The following DTNA variants were observed in gnomAD, a reference collection of about 807,000 sequenced individuals.
The protein encoded by DTNA is dystrophin-related protein 3.
A neutral mutation model predicts 100.7 loss-of-function variants in DTNA; 43 were observed. The observed-to-expected ratio is 0.43, with a 90% CI of 0.33 to 0.55. The LOEUF is 0.55. Among genes scored for constraint, DTNA ranks in the 20% least tolerant of loss-of-function variants. The pLI is 0.04. For synonymous variants in DTNA, 349 were observed against 347.9 expected (o/e 1.00, Z -0.04); for missense variants, 798 against 953.9 (o/e 0.84, Z 2.15).
At chr18:34,568,200 A>G (rs573032384) in intron 1 of DTNA, among the ~76,000 whole-genome samples, 186 of 152,152 alleles carry the variant, frequency 1.2e-3, no homozygotes, top group Non-Finnish European at 2.3e-3. Context: ...TAGTTTATCT[A>G]TGATAAGTCA....
At chr18:34,557,721 C>A (rs1259841784) in intron 1 of DTNA, among the ~76,000 whole-genome samples, 2 of 151,390 alleles carry the variant, frequency 1.3e-5, no homozygotes, top group African/African-American at 4.8e-5. Flanking sequence ...AGGCAGTCTG[C>A]CTGTTCTCAG....
intron 1 of DTNA, among the ~76,000 whole-genome samples, chr18:34,547,479 T>C (rs1307814826): frequency 1.3e-5 from 2 of 152,086 alleles, no homozygotes; most frequent in Non-Finnish European, 2.9e-5. Context: ...TTGGGAGAAG[T>C]CTTACAGGGT....
At chr18:34,551,865 AAAT>A (rs1341919258) in intron 1 of DTNA, among the ~76,000 whole-genome samples, 2 of 152,198 alleles carry the variant, frequency 1.3e-5, no homozygotes, top group Non-Finnish European at 2.9e-5. Flanking sequence ...CATAAGACCC[AAAT>A]AATGTGATCT....
chr18:34,699,565 T>C (rs1359034820), intron 1 of DTNA, among the ~76,000 whole-genome samples: 1 of 152,168 alleles, frequency 6.6e-6, no homozygotes, highest in African/African-American at 2.4e-5. Context: ...GGTTGACACA[T>C]AAAATTCACT....
chr18:34,872,010 G>C (rs2096770481), intron 17 of DTNA, among the ~76,000 whole-genome samples: 1 of 152,208 alleles, frequency 6.6e-6, no homozygotes, highest in Non-Finnish European at 1.5e-5. Context: ...TTGGGAAATG[G>C]TGGCTATTCA....
chr18:34,685,631 G>C (rs1427985595), intron 1 of DTNA, among the ~76,000 whole-genome samples: 3 of 152,006 alleles, frequency 2.0e-5, no homozygotes, highest in Non-Finnish European at 4.4e-5. Flanking sequence ...GCTCTTTTTT[G>C]TTTCCATATG....
In DTNA at chr18:34,768,229, G is replaced by A. The variant is rs1386638228; in HGVS notation, c.148+2188G>A. The stretch of plus-strand genomic sequence containing the variant: ...TCTGTCCTCCTTAGAGCTTTGCCAA[G>A]CGGAGCCTTCCTTAGGCTCCTTTCA... On this transcript the variant is annotated intron_variant, in intron 3 of 22. Coordinates refer to ENST00000444659, the MANE Select transcript of DTNA (RefSeq NM_001386795.1). Among the ~76,000 whole-genome samples the A allele has an allele frequency of 2.0e-5, 3 of 152,082 alleles. No homozygotes were observed. In the East Asian group the frequency reaches 5.8e-4, roughly 29 times the overall value.
chr18:34,730,733 C>G (rs1195014468), intron 1 of DTNA, among the ~76,000 whole-genome samples: 1 of 152,174 alleles, frequency 6.6e-6, no homozygotes, highest in Non-Finnish European at 1.5e-5. Flanking sequence ...TGTCCCCTAA[C>G]CTGTTATTCC....
chr18:34,713,438 A>C (rs2083299567), intron 1 of DTNA, among the ~76,000 whole-genome samples: 1 of 152,100 alleles, frequency 6.6e-6, no homozygotes, highest in African/African-American at 2.4e-5. Flanking sequence ...AAAATGATTA[A>C]ACTTAGATAT....
At chr18:34,572,891 A>C (rs2047729220) in intron 1 of DTNA, among the ~76,000 whole-genome samples, 1 of 152,244 alleles carries the variant, frequency 6.6e-6, no homozygotes, top group African/African-American at 2.4e-5. Context: ...CTTAAGAATC[A>C]CACAGATATA....
At chr18:34,876,170 G>A (rs954902765) in intron 18 of DTNA, among the ~76,000 whole-genome samples, 1 of 152,240 alleles carries the variant, frequency 6.6e-6, no homozygotes, top group East Asian at 1.9e-4. Flanking sequence ...TGTGATTATA[G>A]ACACATACTC....
chr18:34,785,246 G>A (rs1041185095), intron 3 of DTNA, among the ~76,000 whole-genome samples: 4 of 152,020 alleles, frequency 2.6e-5, no homozygotes, highest in Non-Finnish European at 4.4e-5. Flanking sequence ...AACTAAACTC[G>A]TAATCACTGT....
chr18:34,674,107 A>T (rs1568186488), intron 1 of DTNA, among the ~76,000 whole-genome samples: 1 of 152,194 alleles, frequency 6.6e-6, no homozygotes, highest in Non-Finnish European at 1.5e-5. Flanking sequence ...CCAAAGATTT[A>T]AAAACTTCAC....
Position 34,815,895 on chromosome 18 carries a change from G to C in DTNA, c.604-14G>C. 6.2e-7 allele frequency: 1 copy of C among 1,608,024 alleles called. No homozygotes were observed. The highest frequency in any genetic ancestry group is 8.5e-7 in the Non-Finnish European group (1 of 1,174,644). ...ATTCTCTGTCCTAAATTTATGGGGG[G>C]TTTTTTTATGCAGAAAAAAGTCACG... is the stretch of plus-strand genomic sequence containing the variant. On this transcript the variant is annotated splice_polypyrimidine_tract_variant and intron_variant, in intron 6 of 22. Transcript: ENST00000444659.
intron 1 of DTNA, among the ~76,000 whole-genome samples, chr18:34,749,457 C>T (rs2092062214): frequency 6.6e-6 from 1 of 151,884 alleles, no homozygotes; most frequent in Non-Finnish European, 1.5e-5. Flanking sequence ...TATAAATGCT[C>T]AGGTCCAACT....
At chr18:34,676,014 G>T (rs185006653) in intron 1 of DTNA, among the ~76,000 whole-genome samples, 1 of 152,306 alleles carries the variant, frequency 6.6e-6, no homozygotes, top group Admixed American at 6.5e-5. Flanking sequence ...AGAAACATCA[G>T]TCCGAGCATA....
chr18:34,650,999 A>G (rs2060379873), intron 1 of DTNA, among the ~76,000 whole-genome samples: 2 of 152,196 alleles, frequency 1.3e-5, no homozygotes, highest in African/African-American at 4.8e-5. Context: ...TTGAAACAAC[A>G]ATAGATTTCT....
intron 1 of DTNA, among the ~76,000 whole-genome samples, chr18:34,537,445 G>T (rs537820802): frequency 1.6e-4 from 24 of 151,770 alleles, no homozygotes; most frequent in African/African-American, 5.1e-4. Flanking sequence ...TAAGGAAATT[G>T]TATTGTATTA....
At chr18:34,825,412 A>C in intron 9 of DTNA, 1 of 1,073,302 alleles carries the variant, frequency 9.3e-7, no homozygotes. Context: ...CTCAGTTCAC[A>C]AGGATGCCAC....
Sources: gnomAD v4.1 joint callset for allele counts (sites outside exome capture counted in the v4.1 genomes callset) on GRCh38, gnomAD v4.1.1 for gene constraint, MANE v1.5 for transcripts, NCBI Gene and HGNC (gene_info 2026-07-23, HGNC 2026-07-21) for gene names.